The following PPP2R5E variants were observed in gnomAD, a reference collection of about 807,000 sequenced individuals.
PPP2R5E encodes the protein serine/threonine-protein phosphatase 2A 56 kDa regulatory subunit epsilon isoform.
A neutral mutation model predicts 65.3 loss-of-function variants in PPP2R5E; 4 were observed. The observed-to-expected ratio is 0.06, with a 90% CI of 0.03 to 0.14. The LOEUF (loss-of-function observed/expected upper bound fraction) is 0.14. Among genes scored for constraint, PPP2R5E ranks in the 10% least tolerant of loss-of-function variants. PPP2R5E has a pLI of 1.00. For missense variants in PPP2R5E, 274 were observed against 556.1 expected, an observed-to-expected ratio of 0.49 and a Z score of 5.10; for synonymous variants, 183 against 187.4, an observed-to-expected ratio of 0.98 and a Z score of 0.19.
At chr14:63,387,942 A>C (rs1228197667) in intron 11 of PPP2R5E, among the ~76,000 whole-genome samples, 2 of 152,168 alleles carry the variant, frequency 1.3e-5, no homozygotes, top group Non-Finnish European at 2.9e-5. Flanking sequence ...GCAGGATCTC[A>C]CCAGAAACCA....
intron 4 of PPP2R5E, among the ~76,000 whole-genome samples, chr14:63,419,719 A>G (rs1221318312): frequency 1.3e-5 from 2 of 152,208 alleles, no homozygotes; most frequent in Non-Finnish European, 2.9e-5. Context: ...AGGTTCCTTC[A>G]CCTGATCCAG....
At chr14:63,492,711 C>A (rs1431587116) in intron 2 of PPP2R5E, among the ~76,000 whole-genome samples, 2 of 152,074 alleles carry the variant, frequency 1.3e-5, no homozygotes, top group African/African-American at 4.8e-5. Context: ...CCTTGATCAT[C>A]AAGTGTTTTG....
chr14:63,519,727 T>C (rs1892815161), intron 2 of PPP2R5E, among the ~76,000 whole-genome samples: 1 of 150,932 alleles, frequency 6.6e-6, no homozygotes, highest in South Asian at 2.1e-4. Context: ...AGCGGCGCAA[T>C]CTCGGCTTAC....
At chr14:63,456,266 A>G (rs1238274687) in intron 2 of PPP2R5E, among the ~76,000 whole-genome samples, 1 of 152,236 alleles carries the variant, frequency 6.6e-6, no homozygotes. Flanking sequence ...TCATCATTTA[A>G]GCAGTGACAA....
chr14:63,518,356 C>T (rs1290617618), intron 2 of PPP2R5E, among the ~76,000 whole-genome samples: 1 of 152,164 alleles, frequency 6.6e-6, no homozygotes, highest in African/African-American at 2.4e-5. Flanking sequence ...ATCCTCCTGC[C>T]TTAGCCTCTG....
At chr14:63,398,161 G>A (rs1053372035) in intron 5 of PPP2R5E, among the ~76,000 whole-genome samples, 1 of 152,222 alleles carries the variant, frequency 6.6e-6, no homozygotes, top group African/African-American at 2.4e-5. Flanking sequence ...TAAAGTTTCA[G>A]CCAAATGCCA....
Position 63,374,638 on chromosome 14 carries a change from T to TATAG in PPP2R5E, c.*1370_*1371insCTAT, listed in dbSNP as rs1555353705. Reference sequence around the variant, plus strand: ...TACAAAGCAGAGAGCCAATAAGATATATATATATATATATATATATATATA... The same window carrying TATAG: ...TACAAAGCAGAGAGCCAATAAGATATATAGATATATATATATATATATATATATA... On this transcript the variant is annotated 3_prime_UTR_variant, in exon 14 of 14. Coordinates refer to ENST00000337537, the MANE Select transcript of PPP2R5E (RefSeq NM_006246.5). 1 of 20,032 alleles carries TATAG rather than the reference T, an allele frequency of 5.0e-5. No individual in the cohort carries two copies. Among genetic ancestry groups the TATAG allele is most frequent in the Non-Finnish European group, 1.1e-4 (1 of 8,896 alleles). 1.2% of individuals were successfully genotyped at this position (20,032 alleles called of 1,614,324 possible).
At chr14:63,464,214 T>C (rs1368444727) in intron 2 of PPP2R5E, among the ~76,000 whole-genome samples, 1 of 152,188 alleles carries the variant, frequency 6.6e-6, no homozygotes, top group Non-Finnish European at 1.5e-5. Context: ...TCCTGAGCTT[T>C]ACATTCTAGC....
At chr14:63,480,037 G>A (rs1272837147) in intron 2 of PPP2R5E, among the ~76,000 whole-genome samples, 1 of 152,144 alleles carries the variant, frequency 6.6e-6, no homozygotes, top group East Asian at 1.9e-4. Context: ...AAAGTAGAAA[G>A]GACAGTATAA....
chr14:63,434,311 C>T (rs1887847871), intron 3 of PPP2R5E, among the ~76,000 whole-genome samples: 1 of 152,176 alleles, frequency 6.6e-6, no homozygotes. Context: ...GAGATCTTCA[C>T]AAGAGTTTCT....
rs758570712 is a variant in PPP2R5E at position 63,494,829 on chromosome 14, G to A, written c.158-40944C>T. The stretch of plus-strand genomic sequence containing the variant: ...GGAGGATGGCTTGAGCCCAGGGGGC[G>A]GAGGCTGCAATGAGCCAAGATCACG... On this transcript the variant is annotated intron_variant, in intron 2 of 13. Transcript: ENST00000337537. Among the ~76,000 whole-genome samples the A allele has an allele frequency of 7.2e-5, 11 of 151,912 alleles. 1 individual carries two copies. Among genetic ancestry groups the A allele is most frequent in the South Asian group, 4.1e-4 (2 of 4,824 alleles).
At chr14:63,433,489 T>C (rs1307180370) in intron 3 of PPP2R5E, among the ~76,000 whole-genome samples, 1 of 152,168 alleles carries the variant, frequency 6.6e-6, no homozygotes, top group Non-Finnish European at 1.5e-5. Flanking sequence ...GTCTTTTCTC[T>C]TGGGCTTGCC....
At chr14:63,472,397 C>T (rs1247126963) in intron 2 of PPP2R5E, among the ~76,000 whole-genome samples, 2 of 152,180 alleles carry the variant, frequency 1.3e-5, no homozygotes, top group African/African-American at 4.8e-5. Context: ...CTCCTTTGCA[C>T]TAAAGCTGGC....
chr14:63,375,444 G>A lies in PPP2R5E; in HGVS notation c.*565C>T, dbSNP rs1364114308. 1 of 152,542 alleles carries A rather than the reference G, an allele frequency of 6.6e-6. No homozygotes were observed. Among genetic ancestry groups the A allele is most frequent in the Non-Finnish European group, 1.5e-5 (1 of 68,008 alleles). The allele number at this position is 152,542 out of a possible 1,614,324, so 9.4% of individuals were successfully genotyped here. A position where few individuals can be genotyped will look rare whatever the true frequency, so the allele number is the denominator to read the frequency against. On this transcript the variant is annotated 3_prime_UTR_variant, in exon 14 of 14. Coordinates refer to ENST00000337537, the MANE Select transcript of PPP2R5E (RefSeq NM_006246.5). Reference sequence around the variant, plus strand: ...ACCCCAGTAAACAAAACTTTTATCAGGGACTTTTATAATTCATGACCCCAT... The same window carrying A: ...ACCCCAGTAAACAAAACTTTTATCAAGGACTTTTATAATTCATGACCCCAT...
intron 2 of PPP2R5E, among the ~76,000 whole-genome samples, chr14:63,467,231 C>CAAAAAAAA (rs1889872692): frequency 8.8e-6 from 1 of 113,142 alleles, no homozygotes; most frequent in Non-Finnish European, 1.7e-5. Flanking sequence ...TCAAAAAAAA[C>CAAAAAAAA]AAACAAACAA....
chr14:63,512,992 C>T (rs575184813), intron 2 of PPP2R5E, among the ~76,000 whole-genome samples: 148 of 130,296 alleles, frequency 1.1e-3, no homozygotes, highest in Non-Finnish European at 1.8e-3. Context: ...ATTCTCCACC[C>T]CCCTACCCCC....
At chr14:63,431,651 T>C (rs1326098501) in intron 3 of PPP2R5E, among the ~76,000 whole-genome samples, 1 of 152,194 alleles carries the variant, frequency 6.6e-6, no homozygotes. Flanking sequence ...CAAAGCTCTA[T>C]ACTTTTGTGA....
intron 2 of PPP2R5E, among the ~76,000 whole-genome samples, chr14:63,512,078 TA>T (rs57623942): frequency 0.019 from 1,676 of 86,938 alleles, 39 homozygotes; most frequent in African/African-American, 0.056. Flanking sequence ...GACTCTGCGG[TA>T]AAAAAAAAAA....
At chr14:63,458,055 T>C (rs1278809062) in intron 2 of PPP2R5E, among the ~76,000 whole-genome samples, 3 of 152,228 alleles carry the variant, frequency 2.0e-5, no homozygotes, top group African/African-American at 7.2e-5. Context: ...TGACTACGCC[T>C]ACCTCCAAGG....
Sources: allele counts gnomAD v4.1 joint callset (sites outside exome capture counted in the v4.1 genomes callset), GRCh38; gene constraint gnomAD v4.1.1; transcripts MANE v1.5; gene names NCBI Gene and HGNC (gene_info 2026-07-23, HGNC 2026-07-21).